Variants in PHF21B observed in about 807,000 individuals in gnomAD.
PHF21B encodes the protein PHD finger protein 21B.
In PHF21B, 22 loss-of-function variants were observed where a neutral mutation model predicts 62.2. That is an observed-to-expected ratio of 0.35 (90% CI 0.25 to 0.51). PHF21B has a LOEUF of 0.51. Among genes scored for constraint, PHF21B ranks in the 20% least tolerant of loss-of-function variants. The pLI is 0.97. For missense variants in PHF21B, 701 were observed against 707.9 expected, an observed-to-expected ratio of 0.99 and a Z score of 0.11; for synonymous variants, 341 against 314.7, an observed-to-expected ratio of 1.08 and a Z score of -0.88.
Position 44,926,797 on chromosome 22 carries a change from C to T in PHF21B, c.121-6307G>A, listed in dbSNP as rs2069190. 9.8e-3 allele frequency among the ~76,000 whole-genome samples: 1,496 copies of T among 152,150 alleles called. 28 individuals are homozygous for T. The highest frequency in any genetic ancestry group is 0.034 in the African/African-American group (1,400 of 41,478). On this transcript the variant is annotated intron_variant, in intron 2 of 12. Transcript: ENST00000313237. ...ATGTATCCGTGTCCGGGTGTTGCTG[C>T]GTGAGCCGGGGGTGGCCGTGTCTGT...
intron 2 of PHF21B, among the ~76,000 whole-genome samples, chr22:44,960,956 A>ATT (rs58426065): frequency 0.014 from 1,733 of 120,850 alleles, 69 homozygotes; most frequent in African/African-American, 0.047. Flanking sequence ...ACGTGAGTTG[A>ATT]TTTTTTTTTT....
intron 2 of PHF21B, among the ~76,000 whole-genome samples, chr22:44,922,254 C>T (rs916041234): frequency 5.3e-5 from 8 of 152,160 alleles, no homozygotes; most frequent in East Asian, 1.9e-4. Flanking sequence ...GAAGAAAAAC[C>T]GTATGCCGGC....
rs367949520 is a variant in PHF21B, at chr22:44,896,095, AACAG to A, written c.832-16_832-13del. 3.7e-4 allele frequency: 594 copies of A among 1,614,190 alleles called. 2 individuals are homozygous for A. In the African/African-American group the frequency reaches 7.1e-3, roughly 19 times the overall value. ...ATGAAGGCGATTTTCTGAGGGAAGG[AACAG>A]ACAAAGGAGCATTAACACAACCGTC... On this transcript the variant is annotated splice_polypyrimidine_tract_variant and intron_variant, in intron 5 of 12. Coordinates refer to ENST00000313237, the MANE Select transcript of PHF21B (RefSeq NM_138415.5).
At chr22:44,895,969 C>A (rs1198688522) in intron 6 of PHF21B, 63 bp downstream of exon 6, 2 of 1,588,438 alleles carry the variant, frequency 1.3e-6, no homozygotes, top group Non-Finnish European at 1.7e-6. Flanking sequence ...ACACCTGGCC[C>A]CCAACACCCC....
At chr22:44,935,278 C>T (rs1432789611) in intron 2 of PHF21B, among the ~76,000 whole-genome samples, 2 of 152,278 alleles carry the variant, frequency 1.3e-5, no homozygotes, top group South Asian at 2.1e-4. Flanking sequence ...CCTCTGTAAA[C>T]AGGGAGAACT....
chr22:44,903,359 GCT>G (rs1489668862), intron 5 of PHF21B, among the ~76,000 whole-genome samples: 2 of 151,706 alleles, frequency 1.3e-5, no homozygotes, highest in African/African-American at 4.8e-5. Flanking sequence ...CCTGGCCACT[GCT>G]CATTGCACCA....
At chr22:44,972,736 T>C (rs553966783) in intron 2 of PHF21B, among the ~76,000 whole-genome samples, 135 of 152,362 alleles carry the variant, frequency 8.9e-4, no homozygotes, top group African/African-American at 3.1e-3. Flanking sequence ...CAGGTGGAGC[T>C]GAGCTTCTCC....
At chr22:44,935,130 C>CA (rs2071819319) in intron 2 of PHF21B, among the ~76,000 whole-genome samples, 2 of 152,320 alleles carry the variant, frequency 1.3e-5, no homozygotes, top group South Asian at 4.1e-4. Flanking sequence ...CTGTCCCCGA[C>CA]ACACTCCCTC....
intron 2 of PHF21B, among the ~76,000 whole-genome samples, chr22:44,997,780 T>C (rs900034788): frequency 6.6e-6 from 1 of 152,220 alleles, no homozygotes; most frequent in Non-Finnish European, 1.5e-5. Context: ...CCTTTTCTTT[T>C]GCCTGGGGTA....
chr22:44,968,665 TAC>T (rs1188120793), intron 2 of PHF21B, among the ~76,000 whole-genome samples: 1 of 127,756 alleles, frequency 7.8e-6, no homozygotes, highest in Non-Finnish European at 1.7e-5. Flanking sequence ...AAAAAAAAAA[TAC>T]CTGGGACCAT....
At chr22:44,958,417 C>T (rs927007438) in intron 2 of PHF21B, among the ~76,000 whole-genome samples, 7 of 152,076 alleles carry the variant, frequency 4.6e-5, no homozygotes, top group African/African-American at 1.2e-4. Flanking sequence ...CTGTGTCCTT[C>T]GATTAGGAAT....
chr22:44,981,847 C>A (rs1264820025), intron 2 of PHF21B, among the ~76,000 whole-genome samples: 5 of 152,214 alleles, frequency 3.3e-5, no homozygotes, highest in Admixed American at 2.6e-4. Context: ...AAAGGTTGAC[C>A]ATGAAAAGAA....
At chr22:44,924,604 AG>A (rs2071597466) in intron 2 of PHF21B, among the ~76,000 whole-genome samples, 1 of 152,220 alleles carries the variant, frequency 6.6e-6, no homozygotes, top group African/African-American at 2.4e-5. Flanking sequence ...AAATACAGCA[AG>A]AAGGTGGCCA....
chr22:44,983,641 G>A (rs1032765753), intron 2 of PHF21B, among the ~76,000 whole-genome samples: 5 of 152,134 alleles, frequency 3.3e-5, no homozygotes, highest in African/African-American at 1.2e-4. Context: ...AAAGACATAA[G>A]TTTGAAAATC....
At chr22:44,929,812 GC>G (rs1435516674) in intron 2 of PHF21B, among the ~76,000 whole-genome samples, 1 of 152,242 alleles carries the variant, frequency 6.6e-6, no homozygotes, top group Non-Finnish European at 1.5e-5. Context: ...CCACAGAAAT[GC>G]AGCATGAGGC....
chr22:44,897,936 G>A (rs1367182996), intron 5 of PHF21B, among the ~76,000 whole-genome samples: 17 of 152,166 alleles, frequency 1.1e-4, no homozygotes, highest in Middle Eastern at 3.4e-3. Flanking sequence ...AGCCTCCCAA[G>A]TAACTGAGAC....
At chr22:44,912,653 G>A (rs1442889038) in intron 5 of PHF21B, among the ~76,000 whole-genome samples, 1 of 152,038 alleles carries the variant, frequency 6.6e-6, no homozygotes, top group African/African-American at 2.4e-5. Context: ...TTTGTAAATT[G>A]CCCAGTCTTG....
At chr22:44,992,569 C>T (rs749428883) in intron 2 of PHF21B, among the ~76,000 whole-genome samples, 3 of 152,276 alleles carry the variant, frequency 2.0e-5, no homozygotes, top group Non-Finnish European at 4.4e-5. Flanking sequence ...CTTCCACAGG[C>T]TGGACTGAAT....
intron 4 of PHF21B, among the ~76,000 whole-genome samples, chr22:44,914,331 G>T (rs149726469): frequency 1.3e-5 from 2 of 152,332 alleles, no homozygotes; most frequent in African/African-American, 4.8e-5. Context: ...TAGGAACTGG[G>T]AAGGTCTGGG....
Sources: allele counts gnomAD v4.1 joint callset (sites outside exome capture counted in the v4.1 genomes callset), GRCh38; gene constraint gnomAD v4.1.1; transcripts MANE v1.5; gene names NCBI Gene and HGNC (gene_info 2026-07-23, HGNC 2026-07-21).